The following SNTG1 variants were observed in gnomAD, a reference collection of about 807,000 sequenced individuals.
SNTG1 encodes the protein gamma-1-syntrophin.
Under a neutral mutation model 74.7 loss-of-function variants are expected in SNTG1, and 39 were observed. The ratio of observed to expected loss-of-function variants is 0.52; its 90% CI spans 0.40 to 0.68. SNTG1 has a LOEUF of 0.68. Ranked by LOEUF, SNTG1 falls within the 30% of genes least tolerant of loss-of-function variation. The pLI is 0.00. For missense variants in SNTG1, 685 were observed against 609.5 expected, an observed-to-expected ratio of 1.12 and a Z score of -1.30; for synonymous variants, 254 against 217.1, an observed-to-expected ratio of 1.17 and a Z score of -1.49.
chr8:50,779,834 T>C (rs536463570), intron 18 of SNTG1, among the ~76,000 whole-genome samples: 2 of 152,236 alleles, frequency 1.3e-5, no homozygotes, highest in African/African-American at 4.8e-5. Flanking sequence ...ATATTGGCTG[T>C]GGGTTTGTCA....
At chr8:50,412,431 T>A (rs998288095) in intron 4 of SNTG1, among the ~76,000 whole-genome samples, 2 of 152,210 alleles carry the variant, frequency 1.3e-5, no homozygotes, top group African/African-American at 4.8e-5. Context: ...CTGATTCTTA[T>A]TATTATGTTT....
chr8:50,114,141 G>C (rs1400999298), intron 1 of SNTG1, among the ~76,000 whole-genome samples: 2 of 151,974 alleles, frequency 1.3e-5, no homozygotes, highest in Non-Finnish European at 2.9e-5. Flanking sequence ...TCACATAAGA[G>C]ACACTCATTT....
intron 1 of SNTG1, among the ~76,000 whole-genome samples, chr8:50,002,304 T>G (rs1003840822): frequency 9.2e-5 from 14 of 152,158 alleles, no homozygotes; most frequent in African/African-American, 3.4e-4. Flanking sequence ...CTTTCTGATT[T>G]TCCTTAATCC....
intron 2 of SNTG1, among the ~76,000 whole-genome samples, chr8:50,190,500 T>G (rs2083532219): frequency 6.6e-6 from 1 of 152,134 alleles, no homozygotes; most frequent in Non-Finnish European, 1.5e-5. Flanking sequence ...TCCAGTTGAT[T>G]TAAATGATTT....
intron 1 of SNTG1, among the ~76,000 whole-genome samples, chr8:50,117,169 T>G (rs1042149894): frequency 3.3e-5 from 5 of 152,038 alleles, no homozygotes; most frequent in African/African-American, 2.4e-5. Context: ...ATGTGAATCA[T>G]CATTTGTCTT....
intron 17 of SNTG1, among the ~76,000 whole-genome samples, chr8:50,743,300 C>T (rs1434370593): frequency 6.6e-6 from 1 of 151,826 alleles, no homozygotes; most frequent in East Asian, 1.9e-4. Context: ...AAGGATTATA[C>T]ACCATGGCCA....
intron 1 of SNTG1, among the ~76,000 whole-genome samples, chr8:50,075,783 C>T (rs1047843094): frequency 6.6e-6 from 1 of 152,158 alleles, no homozygotes; most frequent in Non-Finnish European, 1.5e-5. Flanking sequence ...GAATGAACAA[C>T]TCCAGACGCG....
chr8:50,334,744 G>T (rs1208233778), intron 2 of SNTG1, among the ~76,000 whole-genome samples: 1 of 152,066 alleles, frequency 6.6e-6, no homozygotes, highest in Non-Finnish European at 1.5e-5. Flanking sequence ...AGAAAAATGA[G>T]CTTTCCTTAT....
chr8:50,252,280 C>T (rs532000378), intron 2 of SNTG1, among the ~76,000 whole-genome samples: 25 of 151,924 alleles, frequency 1.6e-4, no homozygotes, highest in African/African-American at 6.0e-4. Flanking sequence ...AATCAACAAC[C>T]TAATTGTATA....
intron 2 of SNTG1, among the ~76,000 whole-genome samples, chr8:50,189,444 T>G (rs1244772276): frequency 6.6e-6 from 1 of 152,134 alleles, no homozygotes; most frequent in Non-Finnish European, 1.5e-5. Context: ...CAATTCTAAG[T>G]TCCCAGGTGC....
At chr8:50,758,108 T>C (rs990623767) in intron 18 of SNTG1, among the ~76,000 whole-genome samples, 2 of 151,938 alleles carry the variant, frequency 1.3e-5, no homozygotes, top group African/African-American at 4.8e-5. Context: ...TTCTCTTTTT[T>C]AGAATTTGCA....
At chr8:50,377,339 A>T (rs573562071) in intron 2 of SNTG1, among the ~76,000 whole-genome samples, 1 of 152,326 alleles carries the variant, frequency 6.6e-6, no homozygotes, top group Admixed American at 6.5e-5. Flanking sequence ...GGGAAAGTTT[A>T]ACAACTTCGT....
At chr8:50,090,165 C>A (rs1235046733) in intron 1 of SNTG1, among the ~76,000 whole-genome samples, 1 of 152,120 alleles carries the variant, frequency 6.6e-6, no homozygotes, top group Non-Finnish European at 1.5e-5. Context: ...ATTATAAAAT[C>A]TTTGAGCAAA....
At chr8:50,514,507 T>G (rs1048952925) in intron 9 of SNTG1, among the ~76,000 whole-genome samples, 4 of 152,202 alleles carry the variant, frequency 2.6e-5, no homozygotes, top group African/African-American at 9.6e-5. Flanking sequence ...CAAAACTTCA[T>G]TGTTTAATTT....
rs200995970 is a variant in SNTG1 at position 50,502,817 on chromosome 8, A to G, written c.403A>G (p.Thr135Ala). ...LRNAGEEVTL[T>A]VSFLKRAPAF... is the part of the protein sequence containing the mutation. ...GAATGCTGGAGAAGAAGTGACTCTA[A>G]CAGTGTCATTTTTAAAAAGAGCACC... Residue 135 changes from threonine to alanine, a missense_variant, in exon 9 of 19, where the codon ACA (threonine) becomes GCA (alanine). Transcript: ENST00000642720. 78 of 1,613,410 alleles carry G rather than the reference A, an allele frequency of 4.8e-5. No homozygotes were observed. The highest frequency in any genetic ancestry group is 4.7e-5 in the Non-Finnish European group (55 of 1,179,656).
intron 1 of SNTG1, among the ~76,000 whole-genome samples, chr8:50,096,024 A>G (rs1382026461): frequency 1.3e-5 from 2 of 152,170 alleles, no homozygotes; most frequent in East Asian, 3.8e-4. Flanking sequence ...TTTAAGGTCA[A>G]TAGAGCCCCA....
intron 18 of SNTG1, among the ~76,000 whole-genome samples, chr8:50,763,442 C>T (rs2095604643): frequency 3.3e-5 from 5 of 151,748 alleles, no homozygotes; most frequent in Admixed American, 3.3e-4. Context: ...CATCATATAT[C>T]ATATAATTTT....
chr8:49,989,554 A>T (rs1338241073), intron 1 of SNTG1, among the ~76,000 whole-genome samples: 1 of 151,968 alleles, frequency 6.6e-6, no homozygotes, highest in African/African-American at 2.4e-5. Flanking sequence ...TTTTTAGCAA[A>T]ATCTTTCTAA....
chr8:49,917,567 G>T (rs1806157016), intron 1 of SNTG1, among the ~76,000 whole-genome samples: 1 of 152,154 alleles, frequency 6.6e-6, no homozygotes, highest in Non-Finnish European at 1.5e-5. Context: ...TGAAGCTGGT[G>T]AGTGTTATGA....
Sources: gnomAD v4.1 joint callset for allele counts (sites outside exome capture counted in the v4.1 genomes callset) on GRCh38, gnomAD v4.1.1 for gene constraint, MANE v1.5 for transcripts, NCBI Gene and HGNC (gene_info 2026-07-23, HGNC 2026-07-21) for gene names.